The following NLGN1 variants were observed in gnomAD, a reference collection of about 807,000 sequenced individuals.
The protein encoded by NLGN1 is neuroligin-1.
NLGN1 carries 12 observed loss-of-function variants against 65.5 expected under a neutral mutation model. The ratio of observed to expected loss-of-function variants is 0.18; its 90% CI spans 0.12 to 0.30. The LOEUF (loss-of-function observed/expected upper bound fraction) is 0.30. Among genes scored for constraint, NLGN1 ranks in the 10% least tolerant of loss-of-function variants. The pLI is 1.00. For synonymous variants in NLGN1, 350 were observed against 359.5 expected (o/e 0.97, Z 0.30); for missense variants, 750 against 1,007.1 (o/e 0.74, Z 3.46).
At chr3:173,777,793 G>A (rs1428630408) in intron 3 of NLGN1, among the ~76,000 whole-genome samples, 1 of 151,740 alleles carries the variant, frequency 6.6e-6, no homozygotes, top group Non-Finnish European at 1.5e-5. Context: ...TCCTTGAAAT[G>A]TCAATTTCAG....
At chr3:173,405,547 C>A (rs778042872) in intron 1 of NLGN1, among the ~76,000 whole-genome samples, 1 of 151,864 alleles carries the variant, frequency 6.6e-6, no homozygotes, top group Non-Finnish European at 1.5e-5. Context: ...AATACCATAG[C>A]GATAACTAAT....
At chr3:173,953,719 T>A (rs922049982) in intron 4 of NLGN1, among the ~76,000 whole-genome samples, 1 of 152,030 alleles carries the variant, frequency 6.6e-6, no homozygotes, top group Non-Finnish European at 1.5e-5. Flanking sequence ...GTCTGGCTAA[T>A]TTTTTATAGA....
intron 2 of NLGN1, among the ~76,000 whole-genome samples, chr3:173,578,803 G>A (rs1033591550): frequency 6.6e-6 from 1 of 152,132 alleles, no homozygotes; most frequent in Admixed American, 6.5e-5. Flanking sequence ...GGTTATTAGA[G>A]GGTCAGCGTA....
At chr3:173,475,735 G>A (rs531809935) in intron 2 of NLGN1, among the ~76,000 whole-genome samples, 1 of 152,206 alleles carries the variant, frequency 6.6e-6, no homozygotes, top group Non-Finnish European at 1.5e-5. Flanking sequence ...CCTCAAGTAT[G>A]TTTTATCTCT....
intron 1 of NLGN1, among the ~76,000 whole-genome samples, chr3:173,413,575 G>C (rs1713052199): frequency 6.6e-6 from 1 of 151,554 alleles, no homozygotes; most frequent in Admixed American, 6.6e-5. Context: ...ACTCCAGCCT[G>C]GGTGACAGAG....
At chr3:174,217,677 A>G (rs960172412) in intron 4 of NLGN1, among the ~76,000 whole-genome samples, 1 of 152,068 alleles carries the variant, frequency 6.6e-6, no homozygotes, top group Non-Finnish European at 1.5e-5. Flanking sequence ...AGTCCATAAC[A>G]TGAGTGTTAG....
chr3:173,402,204 T>C (rs1328875506), intron 1 of NLGN1, among the ~76,000 whole-genome samples: 1 of 152,184 alleles, frequency 6.6e-6, no homozygotes, highest in East Asian at 1.9e-4. Flanking sequence ...CTATAGTAAC[T>C]TTAAGATGGG....
At chr3:174,287,031 G>A (rs1486452545), downstream of NLGN1, among the ~76,000 whole-genome samples, 2 of 151,044 alleles carry the variant, frequency 1.3e-5, no homozygotes, top group Non-Finnish European at 3.0e-5. Context: ...TAAAAAGAAG[G>A]GCAAAGGAAT....
At chr3:174,067,764 G>A (rs1301546385) in intron 4 of NLGN1, among the ~76,000 whole-genome samples, 1 of 152,092 alleles carries the variant, frequency 6.6e-6, no homozygotes, top group Non-Finnish European at 1.5e-5. Flanking sequence ...CTTTAAAAAT[G>A]GAATGATCAG....
Position 174,221,893 on chromosome 3 carries a change from T to C in NLGN1, c.647-53422T>C, listed in dbSNP as rs1004364652. ...GACTTCTCTGTGTCTCTGTGTCGGA[T>C]CTGAATGTTGCTCATGTTTTTTGTT... On this transcript the variant is annotated intron_variant, in intron 4 of 6. Coordinates refer to ENST00000457714, the Ensembl canonical transcript of NLGN1. Among the ~76,000 whole-genome samples, 11 of 152,148 alleles carry C rather than the reference T, an allele frequency of 7.2e-5. 1 individual carries two copies. The highest frequency in any genetic ancestry group is 2.4e-4 in the African/African-American group (10 of 41,408).
At chr3:174,217,115 G>C (rs949006318) in intron 4 of NLGN1, among the ~76,000 whole-genome samples, 4 of 152,098 alleles carry the variant, frequency 2.6e-5, no homozygotes, top group East Asian at 3.9e-4. Flanking sequence ...TCTTTCTTCC[G>C]TTTTCCGGTT....
chr3:173,543,868 T>G (rs781245529), intron 2 of NLGN1, among the ~76,000 whole-genome samples: 3 of 152,080 alleles, frequency 2.0e-5, no homozygotes, highest in Non-Finnish European at 4.4e-5. Flanking sequence ...TTCAACAAAA[T>G]GTTATTTGTT....
intron 3 of NLGN1, among the ~76,000 whole-genome samples, chr3:173,640,998 T>A (rs1012462885): frequency 3.3e-5 from 5 of 152,222 alleles, no homozygotes; most frequent in African/African-American, 1.2e-4. Context: ...AAGTACATTT[T>A]TCTCTTCATG....
intron 2 of NLGN1, among the ~76,000 whole-genome samples, chr3:173,472,415 G>T (rs183921340): frequency 6.6e-6 from 1 of 152,106 alleles, no homozygotes; most frequent in East Asian, 1.9e-4. Flanking sequence ...TTAAATGTGA[G>T]CCATATAAGA....
chr3:173,976,333 G>T (rs1161563662), intron 4 of NLGN1, among the ~76,000 whole-genome samples: 2 of 151,962 alleles, frequency 1.3e-5, no homozygotes, highest in African/African-American at 2.4e-5. Flanking sequence ...TATACCCTGG[G>T]GAGTACAACA....
At chr3:173,951,775 T>C (rs78927563) in intron 4 of NLGN1, among the ~76,000 whole-genome samples, 2,602 of 152,250 alleles carry the variant, frequency 0.017, 78 homozygotes, top group African/African-American at 0.058. Context: ...CCAGGTATCA[T>C]TCTTATCTCT....
chr3:173,457,481 T>G (rs1385713948), intron 2 of NLGN1, among the ~76,000 whole-genome samples: 1 of 152,038 alleles, frequency 6.6e-6, no homozygotes, highest in African/African-American at 2.4e-5. Context: ...CAAGTCCAGA[T>G]CATTTAGGTT....
chr3:173,571,684 C>T (rs1187677412), intron 2 of NLGN1, among the ~76,000 whole-genome samples: 1 of 152,204 alleles, frequency 6.6e-6, no homozygotes, highest in Non-Finnish European at 1.5e-5. Context: ...ATGCATTAGG[C>T]TGGAATATTA....
intron 3 of NLGN1, among the ~76,000 whole-genome samples, chr3:173,796,350 G>C (rs1471149423): frequency 6.6e-6 from 1 of 151,986 alleles, no homozygotes; most frequent in African/African-American, 2.4e-5. Context: ...GGCTCTGGTC[G>C]GATTCTGAAA....
Sources: allele counts gnomAD v4.1 joint callset (sites outside exome capture counted in the v4.1 genomes callset), GRCh38; gene constraint gnomAD v4.1.1; transcripts MANE v1.5; gene names NCBI Gene and HGNC (gene_info 2026-07-23, HGNC 2026-07-21).